CAST: variants seen among roughly 807,000 people sequenced by gnomAD.
CAST encodes MIR583 host.
A neutral mutation model predicts 119.6 loss-of-function variants in CAST; 76 were observed. That is an observed-to-expected ratio of 0.64 (90% CI 0.53 to 0.77). The LOEUF (loss-of-function observed/expected upper bound fraction) is 0.77, where lower values mean the gene tolerates loss of function less well. Ranked by LOEUF, CAST falls within the 30% of genes least tolerant of loss-of-function variation. The probability of loss-of-function intolerance (pLI) is 0.00; values close to 1 mark genes in which losing one functional copy is unlikely to be tolerated. For missense variants in CAST, 953 were observed against 946.5 expected, an observed-to-expected ratio of 1.01 and a Z score of -0.09; for synonymous variants, 319 against 331.6, an observed-to-expected ratio of 0.96 and a Z score of 0.41.
chr5:96,403,278 ATTATAC>A, the CAST span, among the ~76,000 whole-genome samples: 1 of 152,042 alleles, frequency 6.6e-6, no homozygotes, highest in Non-Finnish European at 1.5e-5. Context: ...TTTTATTATT[ATTATAC>A]TTTAAGTTCT....
the CAST span, among the ~76,000 whole-genome samples, chr5:96,108,394 G>A: frequency 1.3e-5 from 2 of 152,198 alleles, no homozygotes; most frequent in African/African-American, 2.4e-5. Flanking sequence ...ATGTACAGAT[G>A]GGTTTTTGGT....
chr5:96,571,528 A>G (rs1746566825), intron 1 of CAST, among the ~76,000 whole-genome samples: 1 of 152,238 alleles, frequency 6.6e-6, no homozygotes, highest in Non-Finnish European at 1.5e-5. Flanking sequence ...ATTCCTCTAA[A>G]GATGATCATA....
At chr5:96,561,982 C>T (rs1057318537) in intron 1 of CAST, among the ~76,000 whole-genome samples, 5 of 149,144 alleles carry the variant, frequency 3.4e-5, no homozygotes, top group Non-Finnish European at 5.9e-5. Context: ...TTAGTAGAGA[C>T]GGGGTTTCAC....
At chr5:96,378,100 C>G in the CAST span, among the ~76,000 whole-genome samples, 1 of 152,056 alleles carries the variant, frequency 6.6e-6, no homozygotes, top group Non-Finnish European at 1.5e-5. Flanking sequence ...TATGTGGAAT[C>G]TAAGACAGTC....
chr5:96,611,521 C>CA (rs575595763), intron 1 of CAST, among the ~76,000 whole-genome samples: 2 of 151,722 alleles, frequency 1.3e-5, no homozygotes, highest in Non-Finnish European at 2.9e-5. Flanking sequence ...AGAAAGCCTA[C>CA]AAAAAATGTC....
the CAST span, among the ~76,000 whole-genome samples, chr5:96,154,697 T>A: frequency 1.3e-5 from 2 of 152,236 alleles, no homozygotes; most frequent in Non-Finnish European, 2.9e-5. Context: ...TGACCTTGAC[T>A]GTTTGAGGAG....
At chr5:96,223,043 A>G in the CAST span, among the ~76,000 whole-genome samples, 1 of 152,120 alleles carries the variant, frequency 6.6e-6, no homozygotes, top group East Asian at 1.9e-4. Context: ...CACTCATATC[A>G]CTCATATGTG....
the CAST span, among the ~76,000 whole-genome samples, chr5:96,431,320 C>A: frequency 5.3e-5 from 8 of 152,324 alleles, no homozygotes; most frequent in South Asian, 1.7e-3. Context: ...GTGCTCCTGG[C>A]AACCTTTGAC....
chr5:96,666,874 T>C (rs1749408770), intron 1 of CAST, among the ~76,000 whole-genome samples: 1 of 152,078 alleles, frequency 6.6e-6, no homozygotes, highest in Admixed American at 6.6e-5. Context: ...GGGTAATTAG[T>C]TCTGACTAGA....
At chr5:96,341,840 A>C in the CAST span, among the ~76,000 whole-genome samples, 1 of 152,222 alleles carries the variant, frequency 6.6e-6, no homozygotes, top group African/African-American at 2.4e-5. Context: ...AATACACTAA[A>C]TGGAGACTTT....
the CAST span, among the ~76,000 whole-genome samples, chr5:96,309,448 C>A: frequency 2.0e-5 from 3 of 152,218 alleles, no homozygotes; most frequent in Admixed American, 2.0e-4. Flanking sequence ...AGCCCTCTTT[C>A]CAGGGGAGTG....
At chr5:96,433,445 T>C in the CAST span, among the ~76,000 whole-genome samples, 1 of 152,260 alleles carries the variant, frequency 6.6e-6, no homozygotes, top group Non-Finnish European at 1.5e-5. Context: ...AGTCTGCTCC[T>C]TGTCTGCCCA....
At chr5:96,099,990 C>A in the CAST span, among the ~76,000 whole-genome samples, 1 of 152,126 alleles carries the variant, frequency 6.6e-6, no homozygotes, top group Admixed American at 6.6e-5. Flanking sequence ...CTATTTATGA[C>A]TGCCTTAATT....
the CAST span, among the ~76,000 whole-genome samples, chr5:96,069,769 G>T: frequency 6.8e-6 from 1 of 147,616 alleles, no homozygotes; most frequent in East Asian, 2.0e-4. Context: ...CCAATGCGCT[G>T]GGATTACAGG....
rs143008552 is a variant in CAST at position 96,677,932 on chromosome 5, A to G, written c.138+2331A>G. ...GTGGGTGACTTGGTAGTCAGGGTAT[A>G]TTTCCAAAATGGTCTGTCTCAAAGG... On this transcript the variant is annotated intron_variant, in intron 2 of 31. Coordinates refer to ENST00000675179, the MANE Select transcript of CAST (RefSeq NM_001750.7). Among the ~76,000 whole-genome samples the G allele has an allele frequency of 1.7e-3, 253 of 152,198 alleles. 2 individuals carry two copies. The highest frequency in any genetic ancestry group is 0.014 in the Admixed American group (209 of 15,286).
chr5:96,020,625 A>G, the CAST span, among the ~76,000 whole-genome samples: 156 of 152,304 alleles, frequency 1.0e-3, no homozygotes, highest in Admixed American at 3.9e-3. Context: ...GCGAGAATCT[A>G]ATGCTTGATG....
the CAST span, among the ~76,000 whole-genome samples, chr5:96,112,442 T>G: frequency 6.6e-6 from 1 of 152,200 alleles, no homozygotes; most frequent in African/African-American, 2.4e-5. Flanking sequence ...TACTCCCATA[T>G]CCTCCACTAG....
At chr5:96,591,871 A>C (rs1303026213) in intron 1 of CAST, among the ~76,000 whole-genome samples, 8 of 152,220 alleles carry the variant, frequency 5.3e-5, no homozygotes, top group African/African-American at 1.4e-4. Context: ...AACTTATCTA[A>C]CAAGACTGGG....
chr5:96,004,434 C>A, the CAST span, among the ~76,000 whole-genome samples: 3 of 152,264 alleles, frequency 2.0e-5, no homozygotes, highest in African/African-American at 7.2e-5. Flanking sequence ...AACTTATTCT[C>A]AAATGGTTTA....
Sources: gnomAD v4.1 joint callset for allele counts (sites outside exome capture counted in the v4.1 genomes callset) on GRCh38, gnomAD v4.1.1 for gene constraint, MANE v1.5 for transcripts, NCBI Gene and HGNC (gene_info 2026-07-23, HGNC 2026-07-21) for gene names.